Variants in HERC5 observed in about 807,000 individuals in gnomAD.
HERC5 encodes the protein HECT and RLD domain containing E3 ubiquitin protein ligase 5, also known as E3 ISG15--protein ligase HERC5.
Under a neutral mutation model 119.6 loss-of-function variants are expected in HERC5, and 99 were observed. The ratio of observed to expected loss-of-function variants is 0.83; its 90% CI spans 0.70 to 0.98. The LOEUF (loss-of-function observed/expected upper bound fraction) is 0.98. Among genes scored for constraint, HERC5 ranks in the 50% least tolerant of loss-of-function variants. The pLI is 0.00. For synonymous variants in HERC5, 478 were observed against 445.9 expected, an observed-to-expected ratio of 1.07 and a Z score of -0.91; for missense variants, 1,267 against 1,241.3, an observed-to-expected ratio of 1.02 and a Z score of -0.31.
In HERC5 at chr4:88,505,042, T is replaced by A. The variant is rs140887404; in HGVS notation, c.2869+445T>A. On this transcript the variant is annotated intron_variant, in intron 22 of 22. Transcript: ENST00000264350. ...TTTCCTTACTTTTGAGAAATATTTA[T>A]CTTCTATTTTTATTTTTGTGGATAA... 2.9e-3 allele frequency among the ~76,000 whole-genome samples: 439 copies of A among 152,312 alleles called. 2 individuals carry two copies. The highest frequency in any genetic ancestry group is 5.1e-3 in the Non-Finnish European group (348 of 68,034).
chr4:88,466,819 T>C (rs991956192), intron 6 of HERC5, among the ~76,000 whole-genome samples: 7 of 152,168 alleles, frequency 4.6e-5, no homozygotes, highest in Non-Finnish European at 1.0e-4. Context: ...GGGAGGTGCT[T>C]GTTTCAACAA....
At chr4:88,457,559 C>G in intron 1 of HERC5, 25 bp downstream of exon 1, 2 of 1,241,342 alleles carry the variant, frequency 1.6e-6, no homozygotes, top group East Asian at 6.2e-5. Context: ...TGTGTGAGGG[C>G]TGTGAGGGCT....
chr4:88,489,676 A>G (rs1741572307), intron 16 of HERC5, among the ~76,000 whole-genome samples: 1 of 152,146 alleles, frequency 6.6e-6, no homozygotes, highest in South Asian at 2.1e-4. Flanking sequence ...GATGGTTAGC[A>G]TAGAGGAGAA....
chr4:88,467,001 A>C, intron 6 of HERC5, 58 bp from the exon 7 acceptor site: 1 of 1,565,096 alleles, frequency 6.4e-7, no homozygotes, highest in Non-Finnish European at 8.8e-7. Flanking sequence ...CTGTATTGCT[A>C]AACACTCTCA....
chr4:88,457,378 C>A lies in HERC5; in HGVS notation c.109C>A (p.Pro37Thr). Residue 37 changes from proline to threonine, a missense_variant, in exon 1 of 23, where the codon CCC (proline) becomes ACC (threonine). By Grantham distance (38) the Pro-to-Thr change is conservative. Around this residue, in one of 3 missense-constraint regions of HERC5, gnomAD observed 777 missense variants for 758.0 expected, o/e 1.03. Coordinates refer to ENST00000264350, the MANE Select transcript of HERC5 (RefSeq NM_016323.4). ...TCCGGGCGCACAGCTCTGGCTCTTTCCCAGCGCCGCGGGCCTCCACCGCGC... is the reference window on the plus strand; with the variant it reads ...TCCGGGCGCACAGCTCTGGCTCTTTACCAGCGCCGCGGGCCTCCACCGCGC... ...KSPGAQLWLFPSAAGLHRALL... is the reference protein window; with the variant it reads ...KSPGAQLWLFTSAAGLHRALL... The A allele has an allele frequency of 1.4e-6, 2 of 1,417,764 alleles. No individual in the cohort carries two copies. Among genetic ancestry groups the A allele is most frequent in the African/African-American group, 1.5e-5 (1 of 67,696 alleles). The allele number at this position is 1,417,764 out of a possible 1,614,324, so 87.8% of individuals were successfully genotyped here. A position where few individuals can be genotyped will look rare whatever the true frequency, so the allele number is the denominator to read the frequency against.
At chr4:88,479,790 G>A (rs1057369258) in intron 13 of HERC5, among the ~76,000 whole-genome samples, 2 of 151,964 alleles carry the variant, frequency 1.3e-5, no homozygotes, top group South Asian at 2.1e-4. Flanking sequence ...GTGCTGGGCC[G>A]GGCGCGTTGG....
At chr4:88,479,960 G>A (rs1386097073) in intron 13 of HERC5, among the ~76,000 whole-genome samples, 1 of 151,888 alleles carries the variant, frequency 6.6e-6, no homozygotes, top group East Asian at 1.9e-4. Context: ...CCAGCTACTC[G>A]GGAGGCTGAG....
chr4:88,489,066 G>T (rs1192895256), intron 15 of HERC5, 100 bp from the exon 16 acceptor site: 6 of 863,714 alleles, frequency 6.9e-6, no homozygotes, highest in Non-Finnish European at 1.1e-5. Context: ...AATGTGACCT[G>T]CACTTATAAG....
intron 6 of HERC5, among the ~76,000 whole-genome samples, chr4:88,465,087 G>A (rs960165344): frequency 6.6e-6 from 1 of 152,102 alleles, no homozygotes; most frequent in African/African-American, 2.4e-5. Flanking sequence ...GCTAATTTTT[G>A]TATTTTTAGT....
intron 13 of HERC5, among the ~76,000 whole-genome samples, chr4:88,481,866 A>G (rs1166086982): frequency 6.6e-6 from 1 of 152,232 alleles, no homozygotes; most frequent in Non-Finnish European, 1.5e-5. Context: ...GAAGAGTACA[A>G]ATGGAGGCCT....
intron 6 of HERC5, among the ~76,000 whole-genome samples, chr4:88,464,389 C>T (rs1354227054): frequency 2.6e-5 from 4 of 152,010 alleles, no homozygotes; most frequent in Non-Finnish European, 5.9e-5. Flanking sequence ...TTTTTAATTA[C>T]CAGAGTTCTT....
rs541855965 is a variant in HERC5 at position 88,500,803 on chromosome 4, A to T, written c.2512-112A>T. The T allele has an allele frequency of 7.5e-6, 6 of 797,070 alleles. No individual in the cohort carries two copies. The East Asian group carries it at 1.6e-4, about 22-fold the overall frequency. The allele number at this position is 797,070 out of a possible 1,614,324, so 49.4% of individuals were successfully genotyped here. ...TTCCTTGCTAGCTTTTATGACAAAA[A>T]TGTACATTTTAACACATTCTTTTTA... On this transcript the variant is annotated intron_variant, in intron 19 of 22. Transcript: ENST00000264350.
At chr4:88,494,462 T>G (rs1741742939) in intron 18 of HERC5, 131 bp downstream of exon 18, 1 of 745,412 alleles carries the variant, frequency 1.3e-6, no homozygotes, top group Admixed American at 3.2e-5. Context: ...GTTTTAACTT[T>G]GACAAGAATT....
rs1416272430 is a variant in HERC5 at position 88,489,276 on chromosome 4, T to G, written c.2073T>G (p.Ile691Met). 1.9e-6 allele frequency: 3 copies of G among 1,614,016 alleles called. No individual in the cohort carries two copies. The Admixed American group carries it at 5.0e-5, about 27-fold the overall frequency. ...TAACAGTCAGAAGGAATCACTTGAT[T>G]GAGGATGTTTTGAATCAGCTAAGTC... Reference protein sequence around the residue: ...FDLTVRRNHLIEDVLNQLSQF... With the variant: ...FDLTVRRNHLMEDVLNQLSQF... The change falls in exon 16 of 23, where the codon ATT becomes ATG. Residue 691 changes from isoleucine to methionine, a missense_variant. Physicochemically the swap from Ile to Met is conservative, Grantham distance 10 (BLOSUM62 1). Transcript: ENST00000264350.
intron 13 of HERC5, among the ~76,000 whole-genome samples, chr4:88,480,641 T>A (rs564682114): frequency 1.2e-4 from 19 of 152,316 alleles, no homozygotes; most frequent in South Asian, 4.1e-4. Flanking sequence ...TTGGACCAAT[T>A]TAAATTCTCT....
rs1306288702 is a variant in HERC5, at chr4:88,467,113, T to TGGAAAAGATGGACAACTG, written c.972_989dup (p.Lys324_Gly329dup). The TGGAAAAGATGGACAACTG allele has an allele frequency of 1.2e-6, 2 of 1,614,038 alleles. No homozygotes were observed. The highest frequency in any genetic ancestry group is 1.3e-5 in the African/African-American group (1 of 74,938). On this transcript the variant is annotated inframe_insertion, in exon 7 of 23. Coordinates refer to ENST00000264350, the MANE Select transcript of HERC5 (RefSeq NM_016323.4). Reference sequence around the variant, plus strand: ...TGGGAAAGGTCTTTTCCTTTGGTTCTGGAAAAGATGGACAACTGGGAAATG... The same window carrying TGGAAAAGATGGACAACTG: ...TGGGAAAGGTCTTTTCCTTTGGTTCTGGAAAAGATGGACAACTGGGAAAAGATGGACAACTGGGAAATG...
At chr4:88,465,210 A>G (rs2149087874) in intron 6 of HERC5, among the ~76,000 whole-genome samples, 1 of 152,228 alleles carries the variant, frequency 6.6e-6, no homozygotes, top group Non-Finnish European at 1.5e-5. Flanking sequence ...CCACCACGCC[A>G]CTATTTAATT....
intron 18 of HERC5, among the ~76,000 whole-genome samples, chr4:88,495,961 C>G (rs1390996622): frequency 6.6e-6 from 1 of 152,246 alleles, no homozygotes; most frequent in Non-Finnish European, 1.5e-5. Flanking sequence ...ATTGAGGACT[C>G]CAAAGCGCTT....
rs756180608 is a variant in HERC5, at chr4:88,475,933, A to C, written c.1485A>C (p.Glu495Asp). 2.5e-6 allele frequency: 4 copies of C among 1,613,950 alleles called. No individual in the cohort carries two copies. The South Asian group carries it at 4.4e-5, about 18-fold the overall frequency. The change falls in exon 12 of 23, where the codon GAA becomes GAC. Residue 495 changes from glutamate to aspartate, a missense_variant. Glu to Asp is a conservative substitution (Grantham distance 45). Transcript: ENST00000264350. ...EALEIFFLLP[E>D]CPMMHISNNW... ...TAGAAATTTTCTTCCTTCTCCCAGA[A>C]TGTCCTATGATGCATATTTCCAACA...
Sources: gnomAD v4.1 joint callset for allele counts (sites outside exome capture counted in the v4.1 genomes callset) on GRCh38, gnomAD v4.1.1 for gene constraint, gnomAD v4.1.1 regional missense constraint, MANE v1.5 for transcripts, NCBI Gene and HGNC (gene_info 2026-07-23, HGNC 2026-07-21) for gene names.